Variants in ARHGAP29 observed in about 807,000 individuals in gnomAD.
The protein encoded by ARHGAP29 is Rho GTPase activating protein 29, also known as rho GTPase-activating protein 29.
ARHGAP29 carries 43 observed loss-of-function variants against 122.6 expected under a neutral mutation model. That is an observed-to-expected ratio of 0.35 (90% CI 0.27 to 0.45). ARHGAP29 has a LOEUF of 0.45. Ranked by LOEUF, ARHGAP29 falls within the 20% of genes least tolerant of loss-of-function variation. The pLI is 1.00. For missense variants in ARHGAP29, 1,303 were observed against 1,477.2 expected, an observed-to-expected ratio of 0.88 and a Z score of 1.93; for synonymous variants, 506 against 497.1, an observed-to-expected ratio of 1.02 and a Z score of -0.24.
chr1:94,222,735 T>G (rs926617322), intron 2 of ARHGAP29, among the ~76,000 whole-genome samples: 1 of 152,208 alleles, frequency 6.6e-6, no homozygotes, highest in Non-Finnish European at 1.5e-5. Context: ...CATCATTTTA[T>G]TACTGGTTAT....
At chr1:94,184,783 G>C in intron 18 of ARHGAP29, 89 bp downstream of exon 18, 1 of 1,114,438 alleles carries the variant, frequency 9.0e-7, no homozygotes, top group Non-Finnish European at 1.3e-6. Flanking sequence ...AAAAACCCCT[G>C]AGCATTATTT....
At chr1:94,304,797 T>A in the ARHGAP29 span, among the ~76,000 whole-genome samples, 2 of 152,220 alleles carry the variant, frequency 1.3e-5, no homozygotes, top group Non-Finnish European at 2.9e-5. Flanking sequence ...CATGTATTAT[T>A]CACTTTTTAT....
At chr1:94,220,765 A>G (rs1447417936) in intron 2 of ARHGAP29, among the ~76,000 whole-genome samples, 1 of 152,146 alleles carries the variant, frequency 6.6e-6, no homozygotes, top group Non-Finnish European at 1.5e-5. Flanking sequence ...ACTCTTAGGC[A>G]TATAAAGATC....
chr1:94,313,515 C>G, the ARHGAP29 span, among the ~76,000 whole-genome samples: 1 of 152,114 alleles, frequency 6.6e-6, no homozygotes, highest in African/African-American at 2.4e-5. Context: ...GAAATAGGAG[C>G]GCTTTTACAC....
the ARHGAP29 span, among the ~76,000 whole-genome samples, chr1:94,296,288 A>G: frequency 1.3e-5 from 2 of 152,178 alleles, no homozygotes; most frequent in African/African-American, 4.8e-5. Context: ...CTCAGTTAGC[A>G]GATCGACTGT....
At position 94,253,619 on chromosome 1, in the gene ARHGAP29, G is replaced by A. The variant is rs115751530; in HGVS notation, c.-33+21393C>T. The stretch of plus-strand genomic sequence containing the variant: ...TTGCTCTTGAAGTAGGAAGTTGTCC[G>A]CAGGCATCTGGAACACACACGCACG... On this transcript the variant is annotated intron_variant and NMD_transcript_variant, in intron 1 of 25. Coordinates refer to the ARHGAP29 transcript ENST00000552844. Among the ~76,000 whole-genome samples, 965 of 149,574 alleles carry A rather than the reference G, an allele frequency of 6.5e-3. 15 individuals carry two copies. The highest frequency in any genetic ancestry group is 6.0e-3 in the Non-Finnish European group (406 of 67,310).
At chr1:94,182,678 G>A (rs377106542) in intron 19 of ARHGAP29, among the ~76,000 whole-genome samples, 18 of 152,148 alleles carry the variant, frequency 1.2e-4, no homozygotes, top group Admixed American at 3.3e-4. Flanking sequence ...TATTAGAACC[G>A]TCCACACTAT....
chr1:94,185,134 T>C (rs1649715529), intron 17 of ARHGAP29, 74 bp from the exon 18 acceptor site: 1 of 1,396,076 alleles, frequency 7.2e-7, no homozygotes, highest in African/African-American at 1.5e-5. Flanking sequence ...AGGTGGAAGG[T>C]AACACAACAA....
chr1:94,243,407 T>A (rs1048578134), intron 1 of ARHGAP29, among the ~76,000 whole-genome samples: 1 of 151,950 alleles, frequency 6.6e-6, no homozygotes, highest in African/African-American at 2.4e-5. Context: ...AGTCAGGAAA[T>A]CCCCAAATAT....
At chr1:94,177,769 C>T (rs770880213) in intron 21 of ARHGAP29, 49 bp from the exon 22 acceptor site, 11 of 1,569,692 alleles carry the variant, frequency 7.0e-6, no homozygotes, top group Non-Finnish European at 8.7e-6. Context: ...AACATAACCT[C>T]AAAATAAACA....
At position 94,207,071 on chromosome 1, in the gene ARHGAP29, C is replaced by T. The variant is rs183956419; in HGVS notation, c.511-1388G>A. 6.9e-3 allele frequency among the ~76,000 whole-genome samples: 1,001 copies of T among 146,006 alleles called. 3 individuals carry two copies. The highest frequency in any genetic ancestry group is 0.012 in the Non-Finnish European group (784 of 66,830). On this transcript the variant is annotated intron_variant, in intron 5 of 22. Coordinates refer to ENST00000260526, the MANE Select transcript of ARHGAP29 (RefSeq NM_004815.4). ...TCACCCAGGCTGGAGTGCAGCGCCA[C>T]GATCTTGGCTCACTGCAACCTCTGC...
the ARHGAP29 span, among the ~76,000 whole-genome samples, chr1:94,294,337 A>T: frequency 6.6e-6 from 1 of 152,034 alleles, no homozygotes; most frequent in African/African-American, 2.4e-5. Flanking sequence ...TTTTAGACAG[A>T]ATCTTGCTTT....
intron 1 of ARHGAP29, among the ~76,000 whole-genome samples, chr1:94,268,803 A>G (rs1461145888): frequency 6.6e-6 from 1 of 152,094 alleles, no homozygotes; most frequent in Non-Finnish European, 1.5e-5. Context: ...ATATATATAT[A>G]TATGTGCATA....
chr1:94,224,580 T>A (rs920873359), intron 2 of ARHGAP29, among the ~76,000 whole-genome samples: 1 of 152,162 alleles, frequency 6.6e-6, no homozygotes, highest in Non-Finnish European at 1.5e-5. Context: ...GCTTTTCAAT[T>A]TTCTCAGTTT....
intron 1 of ARHGAP29, among the ~76,000 whole-genome samples, chr1:94,257,646 T>G (rs956633444): frequency 6.6e-6 from 1 of 152,108 alleles, no homozygotes; most frequent in Non-Finnish European, 1.5e-5. Flanking sequence ...GAGGTCAAGC[T>G]TGCAGTGAGC....
upstream of ARHGAP29, among the ~76,000 whole-genome samples, chr1:94,240,972 T>A (rs1216256818): frequency 6.6e-6 from 1 of 152,106 alleles, no homozygotes; most frequent in Non-Finnish European, 1.5e-5. Context: ...TTTGACAATA[T>A]CTGGAGACAT....
chr1:94,190,158 G>A, intron 12 of ARHGAP29, 75 bp from the exon 13 acceptor site: 1 of 1,454,278 alleles, frequency 6.9e-7, no homozygotes, highest in Non-Finnish European at 9.4e-7. Flanking sequence ...TTATTTCAAT[G>A]ACTGCACCAA....
intron 1 of ARHGAP29, 123 bp downstream of exon 1, chr1:94,237,292 A>G: frequency 1.5e-6 from 1 of 659,524 alleles, no homozygotes; most frequent in Non-Finnish European, 1.9e-6. Context: ...CACCGCTTCC[A>G]CTCGGGGCCG....
In ARHGAP29 at chr1:94,169,534, A is replaced by G. The variant is rs1648590900; in HGVS notation, c.*4335T>C. 6.6e-6 allele frequency among the ~76,000 whole-genome samples: 1 copy of G among 152,328 alleles called. No individual in the cohort carries two copies. Among genetic ancestry groups the G allele is most frequent in the Middle Eastern group, 3.4e-3 (1 of 294 alleles). On this transcript the variant is annotated 3_prime_UTR_variant, in exon 23 of 23. Transcript: ENST00000260526. ...GGAAAGGGAGACTAGATTAACCTCA[A>G]AGGATTGAATTGAAGGTGTCAATGT...
Sources: gnomAD v4.1 joint callset for allele counts (sites outside exome capture counted in the v4.1 genomes callset) on GRCh38, gnomAD v4.1.1 for gene constraint, MANE v1.5 for transcripts, NCBI Gene and HGNC (gene_info 2026-07-23, HGNC 2026-07-21) for gene names.